The following ITGB5 variants were observed in gnomAD, a reference collection of about 807,000 sequenced individuals.
ITGB5 encodes the protein integrin beta-5.
In ITGB5, 38 loss-of-function variants were observed where a neutral mutation model predicts 84.8. The ratio of observed to expected loss-of-function variants is 0.45; its 90% CI spans 0.35 to 0.59. ITGB5 has a LOEUF of 0.59. Among genes scored for constraint, ITGB5 ranks in the 20% least tolerant of loss-of-function variants. The probability of loss-of-function intolerance (pLI) is 0.01; values close to 1 mark genes in which losing one functional copy is unlikely to be tolerated. For missense variants in ITGB5, 905 were observed against 1,034.5 expected, an observed-to-expected ratio of 0.87 and a Z score of 1.72; for synonymous variants, 393 against 414.4, an observed-to-expected ratio of 0.95 and a Z score of 0.63.
chr3:124,841,688 C>T (rs979401732), intron 4 of ITGB5, 137 bp from the exon 5 acceptor site: 1 of 738,888 alleles, frequency 1.4e-6, no homozygotes, highest in Non-Finnish European at 2.2e-6. Flanking sequence ...CCAGGACAGG[C>T]ACAGCAGAGA....
intron 1 of ITGB5, among the ~76,000 whole-genome samples, chr3:124,900,919 T>C (rs1375800765): frequency 6.6e-6 from 1 of 152,210 alleles, no homozygotes; most frequent in Non-Finnish European, 1.5e-5. Context: ...TATGGTTATG[T>C]ATTATAAGAG....
intron 10 of ITGB5, among the ~76,000 whole-genome samples, chr3:124,795,118 G>T (rs1349238536): frequency 1.3e-5 from 2 of 152,182 alleles, no homozygotes; most frequent in Non-Finnish European, 2.9e-5. Flanking sequence ...ATGTTTGACA[G>T]GTTGTCACGT....
At chr3:124,863,987 G>GA (rs201225996) in intron 2 of ITGB5, among the ~76,000 whole-genome samples, 863 of 46,256 alleles carry the variant, frequency 0.019, 8 homozygotes, top group African/African-American at 0.058. Flanking sequence ...GAAAAAAAAA[G>GA]AAAAAAAAGA....
At chr3:124,794,672 G>C (rs1246890844) in intron 10 of ITGB5, among the ~76,000 whole-genome samples, 3 of 151,774 alleles carry the variant, frequency 2.0e-5, no homozygotes, top group Admixed American at 2.0e-4. Context: ...ATCCCAGCCA[G>C]TCAGGAGGCT....
intron 3 of ITGB5, among the ~76,000 whole-genome samples, chr3:124,850,389 C>T (rs779730780): frequency 3.3e-5 from 5 of 151,816 alleles, no homozygotes; most frequent in Admixed American, 2.0e-4. Context: ...CAGGCTTGCA[C>T]GGATGAAGTA....
intron 11 of ITGB5, chr3:124,769,374 G>T (rs577318508): frequency 1.2e-5 from 5 of 418,816 alleles, no homozygotes; most frequent in African/African-American, 8.1e-5. Flanking sequence ...CTGACACCAG[G>T]AGACAAATCC....
At chr3:124,884,476 G>A (rs1021146726) in intron 1 of ITGB5, among the ~76,000 whole-genome samples, 2 of 152,034 alleles carry the variant, frequency 1.3e-5, no homozygotes, top group African/African-American at 4.8e-5. Context: ...CGAGGCGGGC[G>A]GATCACCTGA....
intron 4 of ITGB5, among the ~76,000 whole-genome samples, chr3:124,847,663 G>A (rs944728262): frequency 1.3e-5 from 2 of 152,200 alleles, no homozygotes; most frequent in East Asian, 1.9e-4. Context: ...GCTTGCAGGA[G>A]AAGTTCCATG....
intron 10 of ITGB5, chr3:124,792,928 C>A (rs1461193873): frequency 6.6e-6 from 1 of 152,082 alleles, no homozygotes; most frequent in African/African-American, 2.4e-5. Context: ...TCCAAAATGA[C>A]CAGTATTCCC....
chr3:124,855,181 T>A (rs1259843528), intron 3 of ITGB5, among the ~76,000 whole-genome samples: 1 of 151,990 alleles, frequency 6.6e-6, no homozygotes, highest in Non-Finnish European at 1.5e-5. Flanking sequence ...GGTGTGGTGG[T>A]GTGTGCCTGC....
chr3:124,885,580 A>G (rs140177800), intron 1 of ITGB5, among the ~76,000 whole-genome samples: 2 of 152,316 alleles, frequency 1.3e-5, no homozygotes, highest in East Asian at 3.9e-4. Context: ...AAACTAAAGG[A>G]AAGTCCTTGT....
At chr3:124,900,752 C>T (rs534383869) in intron 1 of ITGB5, among the ~76,000 whole-genome samples, 15 of 152,122 alleles carry the variant, frequency 9.9e-5, no homozygotes, top group South Asian at 2.1e-4. Context: ...TCACCTCCCA[C>T]GGGTGGCATT....
chr3:124,900,071 C>T (rs1935187707), intron 1 of ITGB5, among the ~76,000 whole-genome samples: 1 of 152,120 alleles, frequency 6.6e-6, no homozygotes, highest in Non-Finnish European at 1.5e-5. Context: ...CTATTTGCAT[C>T]TGGCACCAGG....
chr3:124,822,975 C>G (rs2064729999), intron 5 of ITGB5, among the ~76,000 whole-genome samples: 1 of 152,134 alleles, frequency 6.6e-6, no homozygotes, highest in African/African-American at 2.4e-5. Context: ...TTCAAGGAAG[C>G]TGAAAGAGGG....
chr3:124,841,320 C>A lies in ITGB5; in HGVS notation c.780+63G>T, dbSNP rs908078995. 4 of 1,514,850 alleles carry A rather than the reference C, an allele frequency of 2.6e-6. No homozygotes were observed. The African/African-American group carries it at 4.1e-5, about 16-fold the overall frequency. The allele number at this position is 1,514,850 out of a possible 1,614,324, so 93.8% of individuals were successfully genotyped here. A position where few individuals can be genotyped will look rare whatever the true frequency, so the allele number is the denominator to read the frequency against. Reference sequence around the variant, plus strand: ...CAAAGACTCCTGCAGGAAGTACCAACACCCACTGACGCTCTCTACCTTGAC... The same window carrying A: ...CAAAGACTCCTGCAGGAAGTACCAAAACCCACTGACGCTCTCTACCTTGAC... On this transcript the variant is annotated intron_variant, in intron 5 of 14. Coordinates refer to ENST00000296181, the MANE Select transcript of ITGB5 (RefSeq NM_002213.5).
chr3:124,812,419 G>A (rs1396954667), intron 8 of ITGB5, among the ~76,000 whole-genome samples: 1 of 152,144 alleles, frequency 6.6e-6, no homozygotes, highest in Non-Finnish European at 1.5e-5. Context: ...CAGACTTTAT[G>A]GCAACAACAA....
chr3:124,843,488 C>G (rs2065037324), intron 4 of ITGB5, among the ~76,000 whole-genome samples: 1 of 152,204 alleles, frequency 6.6e-6, no homozygotes, highest in Non-Finnish European at 1.5e-5. Context: ...CCTTTCACTC[C>G]CGCAAACAGC....
At chr3:124,893,331 C>T (rs1268690993) in intron 1 of ITGB5, among the ~76,000 whole-genome samples, 4 of 152,054 alleles carry the variant, frequency 2.6e-5, no homozygotes, top group Admixed American at 1.3e-4. Context: ...TTGCTTGAAT[C>T]TAGGAGGTGA....
At chr3:124,768,001 C>T (rs530947684) in intron 12 of ITGB5, among the ~76,000 whole-genome samples, 11 of 152,236 alleles carry the variant, frequency 7.2e-5, no homozygotes, top group African/African-American at 1.4e-4. Flanking sequence ...CCCAGGAGGT[C>T]GAGACTTCCA....
Sources: allele counts gnomAD v4.1 joint callset (sites outside exome capture counted in the v4.1 genomes callset), GRCh38; gene constraint gnomAD v4.1.1; transcripts MANE v1.5; gene names NCBI Gene and HGNC (gene_info 2026-07-23, HGNC 2026-07-21).